Variants in NAV1 observed in about 807,000 individuals in gnomAD.
NAV1 encodes pore membrane and/or filament interacting like protein 3.
A neutral mutation model predicts 175.2 loss-of-function variants in NAV1; 18 were observed. That is an observed-to-expected ratio of 0.10 (90% CI 0.07 to 0.15). The LOEUF (loss-of-function observed/expected upper bound fraction) is 0.15, where lower values mean the gene tolerates loss of function less well. Among genes scored for constraint, NAV1 ranks in the 10% least tolerant of loss-of-function variants. The pLI is 1.00. For synonymous variants in NAV1, 897 were observed against 978.7 expected, an observed-to-expected ratio of 0.92 and a Z score of 1.56; for missense variants, 1,731 against 2,436.6, an observed-to-expected ratio of 0.71 and a Z score of 6.10.
At chr1:201,693,052 G>A (rs575654537) in intron 1 of NAV1, among the ~76,000 whole-genome samples, 38 of 152,238 alleles carry the variant, frequency 2.5e-4, no homozygotes, top group Admixed American at 5.9e-4. Flanking sequence ...TTAACCAGAG[G>A]ACTGGGAGGC....
intron 1 of NAV1, among the ~76,000 whole-genome samples, chr1:201,561,808 G>T (rs1666208013): frequency 6.6e-6 from 1 of 152,150 alleles, no homozygotes; most frequent in Non-Finnish European, 1.5e-5. Context: ...TTGCCCATCA[G>T]CCTGGGAACT....
chr1:201,773,495 A>C (rs1675727575), intron 3 of NAV1, among the ~76,000 whole-genome samples: 1 of 152,252 alleles, frequency 6.6e-6, no homozygotes, highest in African/African-American at 2.4e-5. Flanking sequence ...GAAGTCTTTC[A>C]CAGTGGCTCA....
At chr1:201,765,381 C>CTTTTTTTTTTTTTTTTTTTT (rs59583786) in intron 3 of NAV1, among the ~76,000 whole-genome samples, 29 of 98,620 alleles carry the variant, frequency 2.9e-4, no homozygotes, top group Non-Finnish European at 3.5e-4. Flanking sequence ...AGGAAATATT[C>CTTTTTTTTTTTTTTTTTTTT]TTTTTTTTTT....
chr1:201,731,169 G>A (rs1004858475), intron 3 of NAV1, among the ~76,000 whole-genome samples: 2 of 149,548 alleles, frequency 1.3e-5, no homozygotes, highest in Non-Finnish European at 3.0e-5. Context: ...CTGACACGGG[G>A]GCATGTGCGG....
At chr1:201,715,728 C>T (rs1305741348) in intron 2 of NAV1, among the ~76,000 whole-genome samples, 2 of 152,212 alleles carry the variant, frequency 1.3e-5, no homozygotes, top group African/African-American at 4.8e-5. Context: ...TGTGTGCTTC[C>T]TGCAAGGCTG....
At chr1:201,824,008 C>G (rs927693317) in exon 30 of NAV1, 2 of 151,958 alleles carry the variant, frequency 1.3e-5, no homozygotes, top group African/African-American at 4.9e-5. Flanking sequence ...GAAGGGGACT[C>G]AGTCCTCCAA....
rs1361472782 is a variant in NAV1 at position 201,694,462 on chromosome 1, G to A, written c.758-18355G>A. Reference sequence around the variant, plus strand: ...GATGACCCTGGGGAGGGTGAGGGCCGGGGTCACCAGCTGCTGGGGCTTCTT... The same window carrying A: ...GATGACCCTGGGGAGGGTGAGGGCCAGGGTCACCAGCTGCTGGGGCTTCTT... On this transcript the variant is annotated intron_variant, in intron 1 of 29. Transcript: ENST00000367296. The surrounding 1 kb of genome is among the most constrained non-coding windows in gnomAD (Gnocchi z 4.2). Among the ~76,000 whole-genome samples, 1 of 152,122 alleles carries A rather than the reference G, an allele frequency of 6.6e-6. No individual in the cohort carries two copies. The highest frequency in any genetic ancestry group is 2.4e-5 in the African/African-American group (1 of 41,408).
chr1:201,650,050 C>A (rs887930552), intron 1 of NAV1, among the ~76,000 whole-genome samples: 1 of 152,242 alleles, frequency 6.6e-6, no homozygotes, highest in Non-Finnish European at 1.5e-5. Flanking sequence ...ACCTCAGCCC[C>A]GGCTCTGGCC....
At chr1:201,702,377 T>G (rs761267890) in intron 1 of NAV1, among the ~76,000 whole-genome samples, 7 of 152,228 alleles carry the variant, frequency 4.6e-5, no homozygotes, top group Non-Finnish European at 7.3e-5. Flanking sequence ...TTTTTATTAT[T>G]ATTTTTGAGA....
chr1:201,686,621 G>A (rs1212406564), intron 1 of NAV1, among the ~76,000 whole-genome samples: 1 of 152,136 alleles, frequency 6.6e-6, no homozygotes, highest in Non-Finnish European at 1.5e-5. Flanking sequence ...TTTCAAGATT[G>A]CATTGATTTG....
exon 16 of NAV1, chr1:201,803,669 C>T: frequency 6.2e-7 from 1 of 1,613,530 alleles, no homozygotes; most frequent in Non-Finnish European, 8.5e-7. Context: ...CCAGCATCGG[C>T]AGCAGCAAGG....
At chr1:201,620,453 CTTTTT>C (rs71861939), upstream of NAV1, among the ~76,000 whole-genome samples, 3 of 94,550 alleles carry the variant, frequency 3.2e-5, no homozygotes, top group East Asian at 3.6e-4. Context: ...GACATATACT[CTTTTT>C]TTTTTTTTTT....
chr1:201,747,302 T>C (rs995900452), intron 3 of NAV1, among the ~76,000 whole-genome samples: 1 of 152,204 alleles, frequency 6.6e-6, no homozygotes, highest in Non-Finnish European at 1.5e-5. Context: ...GCTTGGAACA[T>C]TTTCCCATGG....
chr1:201,783,664 C>G (rs1480526615), exon 7 of NAV1: 3 of 1,614,082 alleles, frequency 1.9e-6, no homozygotes, highest in African/African-American at 2.7e-5. Context: ...CAAAAGAGAC[C>G]CGCATGTACC....
intron 2 of NAV1, among the ~76,000 whole-genome samples, chr1:201,613,796 A>G (rs1418659345): frequency 6.6e-6 from 1 of 152,176 alleles, no homozygotes; most frequent in African/African-American, 2.4e-5. Context: ...TGGGAGGCAG[A>G]GGTTGCAGTG....
At chr1:201,686,403 T>C (rs1670688297) in intron 1 of NAV1, among the ~76,000 whole-genome samples, 1 of 152,160 alleles carries the variant, frequency 6.6e-6, no homozygotes. Flanking sequence ...TCAAGGTGTT[T>C]GGACAGCAGT....
At chr1:201,626,174 G>A (rs1336871288) in intron 1 of NAV1, among the ~76,000 whole-genome samples, 1 of 152,242 alleles carries the variant, frequency 6.6e-6, no homozygotes, top group Non-Finnish European at 1.5e-5. Context: ...TGCCATGGCA[G>A]CTCTGCCAAG....
rs1678733552 is a variant in NAV1, at chr1:201,812,215, T to G, written c.5024+241T>G. ...AGGTTGCTCTAAGCAGAATTAGGAT[T>G]CTCTGCCCGCACACGCTGATCTGGG... On this transcript the variant is annotated intron_variant, in intron 26 of 29. Transcript: ENST00000367296. This position sits in a 1 kb window ranked among gnomAD's most constrained non-coding sequence, Gnocchi z 4.6. Among the ~76,000 whole-genome samples, 1 of 152,176 alleles carries G rather than the reference T, an allele frequency of 6.6e-6. No individual in the cohort carries two copies. The highest frequency in any genetic ancestry group is 2.4e-5 in the African/African-American group (1 of 41,444).
In NAV1 at chr1:201,756,358, AG is replaced by A. The variant is rs543786586; in HGVS notation, c.1227-24062del. 7.2e-5 allele frequency among the ~76,000 whole-genome samples: 11 copies of A among 152,328 alleles called. No homozygotes were observed. The South Asian group carries it at 2.3e-3, about 32-fold the overall frequency. ...TAATCATATTTTCAGACATTTAAAA[AG>A]CTTAGTTCCCTGAATGCTTCATACT... On this transcript the variant is annotated intron_variant, in intron 3 of 29. Coordinates refer to ENST00000367296, the Ensembl canonical transcript of NAV1.
Sources: gnomAD v4.1 joint callset for allele counts (sites outside exome capture counted in the v4.1 genomes callset) on GRCh38, gnomAD v4.1.1 for gene constraint, Gnocchi (gnomAD v3.1) non-coding constraint, MANE v1.5 for transcripts, NCBI Gene and HGNC (gene_info 2026-07-23, HGNC 2026-07-21) for gene names.